The following ERC2 variants were observed in gnomAD, a reference collection of about 807,000 sequenced individuals.
ERC2 encodes ELKS/RAB6-interacting/CAST family member 2, also known as ERC protein 2.
A neutral mutation model predicts 114.8 loss-of-function variants in ERC2; 42 were observed. That is an observed-to-expected ratio of 0.37 (90% CI 0.29 to 0.47). The LOEUF is 0.47. Among genes scored for constraint, ERC2 ranks in the 20% least tolerant of loss-of-function variants. The pLI, the probability that ERC2 is intolerant of heterozygous loss-of-function variation, is 0.99. For missense variants in ERC2, 939 were observed against 1,150.7 expected (o/e 0.82, Z 2.66); for synonymous variants, 454 against 425.5 (o/e 1.07, Z -0.82).
intron 2 of ERC2, among the ~76,000 whole-genome samples, chr3:56,320,100 G>A (rs893149294): frequency 1.3e-5 from 2 of 152,142 alleles, no homozygotes; most frequent in African/African-American, 4.8e-5. Context: ...TCCTCCAAGG[G>A]AATACAACGG....
chr3:55,534,933 T>C (rs12491147), intron 17 of ERC2, among the ~76,000 whole-genome samples: 23,222 of 152,046 alleles, frequency 0.15, 2,139 homozygotes, highest in Middle Eastern at 0.27. Flanking sequence ...ATGGAAGACA[T>C]AACGGTGAAG....
intron 13 of ERC2, among the ~76,000 whole-genome samples, chr3:55,914,578 G>A (rs368257862): frequency 2.4e-4 from 37 of 152,096 alleles, no homozygotes; most frequent in African/African-American, 8.2e-4. Context: ...CCTACTACTC[G>A]TCCTCTCCTT....
rs1463948023 is a variant in ERC2, at chr3:55,616,271, AC to A, written c.*39+67522del. Among the ~76,000 whole-genome samples the A allele has an allele frequency of 8.6e-5, 13 of 151,822 alleles. No homozygotes were observed. In the East Asian group the frequency reaches 2.5e-3, roughly 30 times the overall value. ...AGGCAGGGTGCCTAACTCCTGAGGA[AC>A]CAAGATTTGGATAAGTAGCAGCCAC... is the stretch of plus-strand genomic sequence containing the variant. On this transcript the variant is annotated intron_variant, in intron 17 of 17. Transcript: ENST00000288221.
chr3:55,512,600 CTTTTG>C (rs965892545), intron 17 of ERC2, among the ~76,000 whole-genome samples: 2 of 152,150 alleles, frequency 1.3e-5, no homozygotes, highest in African/African-American at 4.8e-5. Flanking sequence ...ATGCACCAGT[CTTTTG>C]TTTTGTTTTG....
rs1446116012 is a variant in ERC2, at chr3:56,276,474, A to AAAAAAAAAAAAAAAAAAAAAAC, written c.1074+19544_1074+19545insGTTTTTTTTTTTTTTTTTTTTT. Among the ~76,000 whole-genome samples, 115 of 147,068 alleles carry AAAAAAAAAAAAAAAAAAAAAAC rather than the reference A, an allele frequency of 7.8e-4. 3 individuals are homozygous for AAAAAAAAAAAAAAAAAAAAAAC. The highest frequency in any genetic ancestry group is 1.5e-3 in the Non-Finnish European group (96 of 65,754). On this transcript the variant is annotated intron_variant, in intron 3 of 17. Coordinates refer to ENST00000288221, the MANE Select transcript of ERC2 (RefSeq NM_015576.3). ...CAAACTCAGCTAAAAAAAAAAAAAA[A>AAAAAAAAAAAAAAAAAAAAAAC]AAACAAACTCAGTCATTCATCTGGC...
chr3:55,986,233 G>T (rs2070622913), intron 11 of ERC2, among the ~76,000 whole-genome samples: 1 of 152,144 alleles, frequency 6.6e-6, no homozygotes, highest in East Asian at 1.9e-4. Context: ...GCTCTGATAT[G>T]TATAATTACA....
intron 2 of ERC2, among the ~76,000 whole-genome samples, chr3:56,318,767 A>C (rs2150415275): frequency 6.6e-6 from 1 of 151,076 alleles, no homozygotes; most frequent in South Asian, 2.1e-4. Context: ...TTTCACGTCT[A>C]TTAGGATGGC....
intron 5 of ERC2, among the ~76,000 whole-genome samples, chr3:56,147,514 G>C (rs1040214388): frequency 6.6e-6 from 1 of 152,140 alleles, no homozygotes; most frequent in Non-Finnish European, 1.5e-5. Flanking sequence ...GTAAACACTG[G>C]ATAAATATAA....
chr3:56,340,667 G>A (rs1576500642), intron 2 of ERC2, among the ~76,000 whole-genome samples: 1 of 151,958 alleles, frequency 6.6e-6, no homozygotes, highest in East Asian at 1.9e-4. Context: ...ATAATCGTCT[G>A]ACAATTGCCC....
At chr3:56,448,871 C>A (rs546110148) in intron 1 of ERC2, among the ~76,000 whole-genome samples, 1 of 152,002 alleles carries the variant, frequency 6.6e-6, no homozygotes, top group African/African-American at 2.4e-5. Flanking sequence ...GTCAGGAGAT[C>A]GAGACCATCC....
chr3:56,127,586 G>A (rs112756258), intron 6 of ERC2, among the ~76,000 whole-genome samples: 10 of 152,074 alleles, frequency 6.6e-5, no homozygotes, highest in Admixed American at 2.0e-4. Flanking sequence ...AGCTGGGCAC[G>A]GTGGCAGATG....
At chr3:55,635,754 A>G (rs947062720) in intron 17 of ERC2, among the ~76,000 whole-genome samples, 4 of 152,146 alleles carry the variant, frequency 2.6e-5, no homozygotes, top group Non-Finnish European at 5.9e-5. Flanking sequence ...CGCATAATGA[A>G]GAATCATCTC....
chr3:56,433,908 G>C (rs1046974133), intron 2 of ERC2: 4 of 171,482 alleles, frequency 2.3e-5, no homozygotes, highest in Admixed American at 1.6e-4. Flanking sequence ...GGAAATAATG[G>C]TGCTGGTGCT....
intron 3 of ERC2, among the ~76,000 whole-genome samples, chr3:56,238,245 T>C: frequency 6.6e-6 from 1 of 152,240 alleles, no homozygotes; most frequent in Non-Finnish European, 1.5e-5. Flanking sequence ...CATGAGAGAA[T>C]GAACCACAGC....
intron 3 of ERC2, among the ~76,000 whole-genome samples, chr3:56,271,981 T>C (rs1489704459): frequency 6.6e-6 from 1 of 152,232 alleles, no homozygotes; most frequent in Non-Finnish European, 1.5e-5. Flanking sequence ...AAATTTTCTA[T>C]ATCCAGTCTA....
chr3:56,230,282 C>T (rs1375930947), intron 3 of ERC2, among the ~76,000 whole-genome samples: 2 of 152,196 alleles, frequency 1.3e-5, no homozygotes, highest in South Asian at 2.1e-4. Context: ...TCTTAAATAG[C>T]ATCCATCACA....
At chr3:56,140,980 C>T (rs1008177036) in intron 5 of ERC2, among the ~76,000 whole-genome samples, 11 of 152,144 alleles carry the variant, frequency 7.2e-5, no homozygotes, top group African/African-American at 2.2e-4. Context: ...GCCGAGATCA[C>T]GCCACTGCCC....
At position 56,018,967 on chromosome 3, in the gene ERC2, A is replaced by G; in HGVS notation, c.1706T>C (p.Val569Ala). ...DKQLTNLKDR[V>A]KSLQTDSSNT... The stretch of plus-strand genomic sequence containing the variant: ...ACTGGAATCCGTCTGCAAGGACTTC[A>G]CTCTGTCTTTCAGGTTGGTCAGTTG... The change falls in exon 8 of 18, where the codon GTG becomes GCG. Residue 569 changes from valine (V) to alanine (A), a missense_variant. By Grantham distance (64) the Val-to-Ala change is moderately conservative (BLOSUM62 0). Transcript: ENST00000288221. The G allele has an allele frequency of 6.2e-7, 1 of 1,613,138 alleles. No homozygotes were observed. Among genetic ancestry groups the G allele is most frequent in the Non-Finnish European group, 8.5e-7 (1 of 1,179,448 alleles).
intron 3 of ERC2, among the ~76,000 whole-genome samples, chr3:56,231,314 C>T (rs1281023006): frequency 6.6e-6 from 1 of 152,232 alleles, no homozygotes; most frequent in Admixed American, 6.5e-5. Flanking sequence ...ATCTCTTGCA[C>T]TTCTATCATT....
Sources: allele counts gnomAD v4.1 joint callset (sites outside exome capture counted in the v4.1 genomes callset), GRCh38; gene constraint gnomAD v4.1.1; transcripts MANE v1.5; gene names NCBI Gene and HGNC (gene_info 2026-07-23, HGNC 2026-07-21).